FRAS1: variants seen among roughly 807,000 people sequenced by gnomAD.
FRAS1 encodes the protein extracellular matrix organizing protein FRAS1.
In FRAS1, 290 loss-of-function variants were observed where a neutral mutation model predicts 435.2. The ratio of observed to expected loss-of-function variants is 0.67; its 90% CI spans 0.61 to 0.73. The LOEUF is 0.73. Among genes scored for constraint, FRAS1 ranks in the 30% least tolerant of loss-of-function variants. The probability of loss-of-function intolerance (pLI) is 0.00; values close to 1 mark genes in which losing one functional copy is unlikely to be tolerated. For synonymous variants in FRAS1, 1,800 were observed against 1,851.0 expected (o/e 0.97, Z 0.71); for missense variants, 4,860 against 5,001.5 (o/e 0.97, Z 0.85).
Position 78,537,068 on chromosome 4 carries a change from GAA to G in FRAS1, c.11168_11169del (p.Lys3723SerfsTer15), listed in dbSNP as rs758953259. 1 of 1,614,024 alleles carries G rather than the reference GAA, an allele frequency of 6.2e-7. No individual in the cohort carries two copies. On this transcript the variant is annotated frameshift_variant, in exon 72 of 74. Transcript: ENST00000512123. LOFTEE classifies it high-confidence loss of function. ...LNSAYKLQLE[K>X]VYLCTGKDGY... Reference sequence around the variant, plus strand: ...ATTCTGCTTACAAACTCCAGCTGGAGAAAGTCTATCTTTGTACGGGCAAGGAT... The same window carrying G: ...ATTCTGCTTACAAACTCCAGCTGGAGAGTCTATCTTTGTACGGGCAAGGAT...
At chr4:78,468,485 A>ACATCATCATCATCATCATCATCAT (rs11267487) in intron 50 of FRAS1, among the ~76,000 whole-genome samples, 110 of 150,244 alleles carry the variant, frequency 7.3e-4, no homozygotes, top group African/African-American at 2.1e-3. Flanking sequence ...GAAGCTGTAA[A>ACATCATCATCATCATCATCATCAT]CATCATCATC....
At chr4:78,198,111 C>G (rs1035196154) in intron 2 of FRAS1, among the ~76,000 whole-genome samples, 3 of 152,112 alleles carry the variant, frequency 2.0e-5, no homozygotes, top group Non-Finnish European at 4.4e-5. Context: ...TCTGACCGAG[C>G]CCCCATCTTA....
intron 47 of FRAS1, among the ~76,000 whole-genome samples, chr4:78,455,696 A>G (rs978736010): frequency 6.6e-6 from 1 of 152,168 alleles, no homozygotes. Flanking sequence ...CCATCTGCCT[A>G]TGCGAACTGT....
chr4:78,465,411 A>ATTGATAGATATGCTGCAG (rs1719496662), intron 49 of FRAS1, among the ~76,000 whole-genome samples: 1 of 152,226 alleles, frequency 6.6e-6, no homozygotes, highest in Non-Finnish European at 1.5e-5. Flanking sequence ...GGAGATAGAG[A>ATTGATAGATATGCTGCAG]TTGATAGATA....
chr4:78,490,781 G>A (rs1720324480), intron 59 of FRAS1, among the ~76,000 whole-genome samples: 2 of 151,888 alleles, frequency 1.3e-5, no homozygotes, highest in African/African-American at 4.8e-5. Context: ...AAAGCTATCA[G>A]AAGACAAGAA....
At chr4:78,237,444 T>A (rs1293493594) in intron 2 of FRAS1, 66 bp from the exon 3 acceptor site, 1 of 1,094,708 alleles carries the variant, frequency 9.1e-7, no homozygotes. Context: ...CTATTGATGG[T>A]GCAGCTTTTG....
chr4:78,400,868 A>T lies in FRAS1; in HGVS notation c.4110A>T (p.Thr1370=). 6.2e-7 allele frequency: 1 copy of T among 1,613,740 alleles called. No homozygotes were observed. Among genetic ancestry groups the T allele is most frequent in the Non-Finnish European group, 8.5e-7 (1 of 1,179,780 alleles). Residue 1370 remains threonine, a synonymous_variant, in exon 30 of 74, where the codon ACA becomes ACT. Coordinates refer to ENST00000512123, the MANE Select transcript of FRAS1 (RefSeq NM_025074.7). ...ASAEEIIYKI[T]QDYPQFGEVV... ...CTGAAGAAATCATCTACAAGATTAC[A>T]CAAGACTACCCCCAGTTTGGTAACT...
chr4:78,409,110 C>T (rs1399520269), intron 31 of FRAS1, among the ~76,000 whole-genome samples: 1 of 133,268 alleles, frequency 7.5e-6, no homozygotes, highest in Admixed American at 7.6e-5. Context: ...CAGAGCGAGA[C>T]CCTCTCTCAA....
At chr4:78,200,319 A>G (rs1012671697) in intron 2 of FRAS1, among the ~76,000 whole-genome samples, 2 of 152,200 alleles carry the variant, frequency 1.3e-5, no homozygotes, top group African/African-American at 4.8e-5. Flanking sequence ...GTTCCCTGTA[A>G]GCTTCTGGGA....
intron 18 of FRAS1, among the ~76,000 whole-genome samples, chr4:78,320,522 C>T (rs933340119): frequency 6.6e-6 from 1 of 152,150 alleles, no homozygotes. Context: ...GACAAGCTTC[C>T]TCCAGTCACT....
intron 2 of FRAS1, among the ~76,000 whole-genome samples, chr4:78,125,892 G>C (rs972907785): frequency 1.3e-5 from 2 of 152,196 alleles, no homozygotes; most frequent in Admixed American, 6.5e-5. Context: ...GCCATGCTGG[G>C]AGAACCACTG....
intron 2 of FRAS1, among the ~76,000 whole-genome samples, chr4:78,192,081 G>T (rs867231712): frequency 3.3e-5 from 5 of 152,114 alleles, no homozygotes; most frequent in African/African-American, 1.2e-4. Context: ...GCTGGATTAC[G>T]TTTATTGATT....
At position 78,128,087 on chromosome 4, in the gene FRAS1, A is replaced by C. The variant is rs536963866; in HGVS notation, c.108+62071A>C. Reference sequence around the variant, plus strand: ...TCCCTACAAAGGACATGAACTCATCATTTTTTATGGCTGCATAGTATTCCG... The same window carrying C: ...TCCCTACAAAGGACATGAACTCATCCTTTTTTATGGCTGCATAGTATTCCG... On this transcript the variant is annotated intron_variant, in intron 2 of 73. Coordinates refer to ENST00000512123, the MANE Select transcript of FRAS1 (RefSeq NM_025074.7). Among the ~76,000 whole-genome samples the C allele has an allele frequency of 2.1e-3, 315 of 152,036 alleles. 1 individual carries two copies. The highest frequency in any genetic ancestry group is 3.6e-3 in the Non-Finnish European group (245 of 68,006).
intron 2 of FRAS1, among the ~76,000 whole-genome samples, chr4:78,090,219 T>C (rs774480801): frequency 2.0e-5 from 3 of 152,146 alleles, no homozygotes; most frequent in Non-Finnish European, 4.4e-5. Context: ...ATGGTACATT[T>C]ATGACCATGC....
In FRAS1 at chr4:78,161,734, C is replaced by T. The variant is rs569722791; in HGVS notation, c.109-75776C>T. ...TCCAGCCTGGGCAACAAGAGCAAAA[C>T]TCTGTCTCAAAAAAAAAAAAAAAAA... is the stretch of plus-strand genomic sequence containing the variant. On this transcript the variant is annotated intron_variant, in intron 2 of 73. Coordinates refer to ENST00000512123, the MANE Select transcript of FRAS1 (RefSeq NM_025074.7). 2.2e-3 allele frequency among the ~76,000 whole-genome samples: 82 copies of T among 37,838 alleles called. No individual in the cohort carries two copies. The Admixed American group carries it at 0.022, about 10-fold the overall frequency. The allele number at this position is 37,838 out of a possible 152,430, so 24.8% of individuals were successfully genotyped here.
intron 18 of FRAS1, chr4:78,319,368 C>G (rs1477297559): frequency 2.2e-6 from 1 of 459,292 alleles, no homozygotes; most frequent in African/African-American, 2.0e-5. Flanking sequence ...AGGGCAAAAT[C>G]TGGACTTCTG....
chr4:78,431,322 A>G (rs1210285453), intron 37 of FRAS1, among the ~76,000 whole-genome samples: 1 of 152,244 alleles, frequency 6.6e-6, no homozygotes, highest in African/African-American at 2.4e-5. Flanking sequence ...CTTTAGGAAC[A>G]TAACAGTCAT....
intron 47 of FRAS1, among the ~76,000 whole-genome samples, chr4:78,456,158 T>TTTTTTTC (rs1719194571): frequency 6.8e-6 from 1 of 147,764 alleles, no homozygotes; most frequent in Admixed American, 6.7e-5. Context: ...TTTTTTTTTT[T>TTTTTTTC]TTTGAGACGG....
At chr4:78,368,273 A>G (rs934664289) in intron 22 of FRAS1, among the ~76,000 whole-genome samples, 1 of 117,374 alleles carries the variant, frequency 8.5e-6, no homozygotes, top group African/African-American at 3.9e-5. Context: ...AATTATCAAT[A>G]TGCATATTCT....
Sources: gnomAD v4.1 joint callset for allele counts (sites outside exome capture counted in the v4.1 genomes callset) on GRCh38, gnomAD v4.1.1 for gene constraint, MANE v1.5 for transcripts, NCBI Gene and HGNC (gene_info 2026-07-23, HGNC 2026-07-21) for gene names.